Variants in PIP4K2A observed in about 807,000 individuals in gnomAD.
PIP4K2A encodes the protein phosphatidylinositol-5-phosphate 4-kinase type 2 alpha.
A neutral mutation model predicts 42.9 loss-of-function variants in PIP4K2A; 14 were observed. The ratio of observed to expected loss-of-function variants is 0.33; its 90% confidence interval spans 0.22 to 0.51. The LOEUF is 0.51. Among genes scored for constraint, PIP4K2A ranks in the 20% least tolerant of loss-of-function variants. The pLI, the probability that PIP4K2A is intolerant of heterozygous loss-of-function variation, is 0.97. For missense variants in PIP4K2A, 434 were observed against 519.8 expected, an observed-to-expected ratio of 0.83 and a Z score of 1.61; for synonymous variants, 192 against 192.2, an observed-to-expected ratio of 1.00 and a Z score of 0.01.
chr10:22,624,461 A>C (rs1425461372), intron 1 of PIP4K2A, among the ~76,000 whole-genome samples: 2 of 152,226 alleles, frequency 1.3e-5, no homozygotes, highest in Non-Finnish European at 2.9e-5. Context: ...CAAAGTAAAG[A>C]TGATTCTAAC....
intron 1 of PIP4K2A, among the ~76,000 whole-genome samples, chr10:22,690,519 T>C (rs1839844882): frequency 6.6e-6 from 1 of 152,154 alleles, no homozygotes; most frequent in African/African-American, 2.4e-5. Flanking sequence ...AGTTTTTACA[T>C]CTCCTCTTGT....
chr10:22,632,242 T>C (rs1838565810), intron 1 of PIP4K2A, among the ~76,000 whole-genome samples: 1 of 152,196 alleles, frequency 6.6e-6, no homozygotes, highest in African/African-American at 2.4e-5. Flanking sequence ...GAGCTTTCTA[T>C]TATTACGCAG....
At chr10:22,710,870 A>G (rs977742024) in intron 1 of PIP4K2A, among the ~76,000 whole-genome samples, 1 of 152,234 alleles carries the variant, frequency 6.6e-6, no homozygotes, top group East Asian at 1.9e-4. Context: ...ATAGGTTTTA[A>G]AATACTAATT....
chr10:22,624,242 A>G (rs928954908), intron 1 of PIP4K2A, among the ~76,000 whole-genome samples: 1 of 152,230 alleles, frequency 6.6e-6, no homozygotes, highest in African/African-American at 2.4e-5. Context: ...GGAAAAGACT[A>G]AAAACCACAT....
chr10:22,558,384 C>T (rs1329912371), intron 6 of PIP4K2A, among the ~76,000 whole-genome samples: 1 of 152,082 alleles, frequency 6.6e-6, no homozygotes, highest in Non-Finnish European at 1.5e-5. Flanking sequence ...TATGTTGGAG[C>T]TAGGATAAAA....
chr10:22,668,041 T>C (rs1190501156), intron 1 of PIP4K2A, among the ~76,000 whole-genome samples: 26 of 152,024 alleles, frequency 1.7e-4, no homozygotes, highest in Non-Finnish European at 7.4e-5. Context: ...AACCTCCGCC[T>C]CCCAGGTTCA....
intron 4 of PIP4K2A, among the ~76,000 whole-genome samples, chr10:22,577,654 A>C (rs1259584136): frequency 6.6e-6 from 1 of 152,160 alleles, no homozygotes; most frequent in East Asian, 1.9e-4. Flanking sequence ...AGGCAAAGAC[A>C]CTCAGTGCTT....
intron 4 of PIP4K2A, among the ~76,000 whole-genome samples, chr10:22,574,525 A>G (rs1837067592): frequency 6.6e-6 from 1 of 151,444 alleles, no homozygotes; most frequent in Non-Finnish European, 1.5e-5. Flanking sequence ...TTAGTTGTAA[A>G]TACTGTTAAT....
chr10:22,545,865 A>C (rs1272460327), intron 7 of PIP4K2A, among the ~76,000 whole-genome samples: 1 of 152,058 alleles, frequency 6.6e-6, no homozygotes, highest in Non-Finnish European at 1.5e-5. Flanking sequence ...CACCATGCCC[A>C]GCTAATTATT....
At chr10:22,697,771 C>T (rs1057010464) in intron 1 of PIP4K2A, among the ~76,000 whole-genome samples, 1 of 151,994 alleles carries the variant, frequency 6.6e-6, no homozygotes, top group African/African-American at 2.4e-5. Flanking sequence ...CACACACACA[C>T]AAACACACAC....
At chr10:22,579,248 C>T (rs1837199440) in intron 4 of PIP4K2A, among the ~76,000 whole-genome samples, 1 of 152,076 alleles carries the variant, frequency 6.6e-6, no homozygotes, top group Admixed American at 6.5e-5. Flanking sequence ...GTAAACTGTA[C>T]CACGCAATGT....
chr10:22,622,827 G>A (rs187418836), intron 1 of PIP4K2A, among the ~76,000 whole-genome samples: 118 of 152,024 alleles, frequency 7.8e-4, no homozygotes, highest in African/African-American at 2.8e-3. Context: ...ATACTAAATC[G>A]CCAAATTTAG....
intron 6 of PIP4K2A, among the ~76,000 whole-genome samples, chr10:22,551,592 ATTCTATT>A (rs939493537): frequency 3.2e-4 from 48 of 152,354 alleles, no homozygotes; most frequent in African/African-American, 1.0e-3. Context: ...AGTGTGGATT[ATTCTATT>A]TAACTTTGTG....
At chr10:22,584,060 C>A (rs1837337450) in intron 4 of PIP4K2A, among the ~76,000 whole-genome samples, 2 of 152,188 alleles carry the variant, frequency 1.3e-5, no homozygotes. Context: ...ACATCTTGAC[C>A]CCAAACTGTG....
chr10:22,648,656 C>T (rs138263464), intron 1 of PIP4K2A, among the ~76,000 whole-genome samples: 3 of 152,304 alleles, frequency 2.0e-5, no homozygotes, highest in African/African-American at 7.2e-5. Flanking sequence ...TGATTAACCA[C>T]AATCAGACAT....
chr10:22,622,771 A>G (rs1372211800), intron 1 of PIP4K2A, among the ~76,000 whole-genome samples: 6 of 152,230 alleles, frequency 3.9e-5, no homozygotes. Flanking sequence ...GAAGGAGACT[A>G]TAACAAATCT....
intron 2 of PIP4K2A, among the ~76,000 whole-genome samples, chr10:22,609,273 T>A (rs1837979517): frequency 6.6e-6 from 1 of 152,250 alleles, no homozygotes. Context: ...GAGTCATTGC[T>A]GTTCATAAAT....
At chr10:22,570,123 G>A (rs1836950038) in intron 5 of PIP4K2A, among the ~76,000 whole-genome samples, 1 of 151,954 alleles carries the variant, frequency 6.6e-6, no homozygotes, top group Non-Finnish European at 1.5e-5. Flanking sequence ...ACTTGCCCTT[G>A]AGGCACTTAC....
intron 6 of PIP4K2A, among the ~76,000 whole-genome samples, chr10:22,556,797 A>G (rs1836561797): frequency 6.6e-6 from 1 of 152,190 alleles, no homozygotes; most frequent in Non-Finnish European, 1.5e-5. Flanking sequence ...TATTATAAAC[A>G]TTTGTGTATA....
Sources: allele counts gnomAD v4.1 joint callset (sites outside exome capture counted in the v4.1 genomes callset), GRCh38; gene constraint gnomAD v4.1.1; transcripts MANE v1.5; gene names NCBI Gene and HGNC (gene_info 2026-07-23, HGNC 2026-07-21).